RAI14: variants seen among roughly 807,000 people sequenced by gnomAD.
RAI14 encodes the protein ankycorbin.
RAI14 carries 45 observed loss-of-function variants against 115.4 expected under a neutral mutation model. The ratio of observed to expected loss-of-function variants is 0.39; its 90% CI spans 0.31 to 0.50. RAI14 has a LOEUF of 0.50. Among genes scored for constraint, RAI14 ranks in the 20% least tolerant of loss-of-function variants. The pLI is 0.85. For missense variants in RAI14, 939 were observed against 1,131.2 expected, an observed-to-expected ratio of 0.83 and a Z score of 2.44; for synonymous variants, 371 against 415.4, an observed-to-expected ratio of 0.89 and a Z score of 1.30.
At chr5:34,684,118 C>T (rs1456791823) in intron 1 of RAI14, among the ~76,000 whole-genome samples, 1 of 152,168 alleles carries the variant, frequency 6.6e-6, no homozygotes, top group Non-Finnish European at 1.5e-5. Flanking sequence ...ATCTGTTTAT[C>T]GTTATTTCTA....
At chr5:34,770,740 T>C (rs1201395958) in intron 3 of RAI14, among the ~76,000 whole-genome samples, 1 of 152,172 alleles carries the variant, frequency 6.6e-6, no homozygotes, top group Non-Finnish European at 1.5e-5. Flanking sequence ...TCCTAGAAGG[T>C]AGGTCAAAAG....
At chr5:34,792,480 C>T (rs1343919249) in intron 3 of RAI14, among the ~76,000 whole-genome samples, 1 of 152,056 alleles carries the variant, frequency 6.6e-6, no homozygotes, top group African/African-American at 2.4e-5. Context: ...GTGATCCGCC[C>T]ACCTCGGCCT....
chr5:34,756,732 A>G (rs1747934123), intron 2 of RAI14, among the ~76,000 whole-genome samples: 1 of 152,314 alleles, frequency 6.6e-6, no homozygotes, highest in East Asian at 1.9e-4. Flanking sequence ...ATCTGCTCTT[A>G]TATAGAAATC....
intron 1 of RAI14, among the ~76,000 whole-genome samples, chr5:34,665,339 T>C (rs1050373603): frequency 6.6e-6 from 1 of 150,440 alleles, no homozygotes. Flanking sequence ...CATCTACCTC[T>C]TTTCACTTTC....
intron 2 of RAI14, among the ~76,000 whole-genome samples, chr5:34,731,670 G>C (rs1356994185): frequency 1.3e-5 from 2 of 152,102 alleles, no homozygotes; most frequent in Non-Finnish European, 2.9e-5. Flanking sequence ...AAGGTAATAA[G>C]CATCTCAGAA....
chr5:34,725,860 G>T (rs772890605), intron 2 of RAI14, among the ~76,000 whole-genome samples: 3 of 151,210 alleles, frequency 2.0e-5, no homozygotes, highest in African/African-American at 7.3e-5. Flanking sequence ...TACTTGGGAG[G>T]CTGAGGCAGG....
chr5:34,786,748 C>T (rs547236187), intron 3 of RAI14, among the ~76,000 whole-genome samples: 12 of 152,096 alleles, frequency 7.9e-5, no homozygotes, highest in South Asian at 2.1e-4. Context: ...CACCACTTGC[C>T]GAGACCAGCT....
At position 34,675,174 on chromosome 5, in the gene RAI14, CGTGAGCCTCCCGTGCCCAGGCCACTGGAT is replaced by C. The variant is rs1743890846; in HGVS notation, c.-48-11697_-48-11669del. On this transcript the variant is annotated intron_variant, in intron 1 of 17. Coordinates refer to ENST00000265109, the MANE Select transcript of RAI14 (RefSeq NM_015577.3). ...CCTCCCAAAGTGCTGGGATTATAGG[CGTGAGCCTCCCGTGCCCAGGCCACTGGAT>C]CTTTTTAAGAACAACTTCACTGAGT... 2.0e-5 allele frequency among the ~76,000 whole-genome samples: 3 copies of C among 152,306 alleles called. No individual in the cohort carries two copies. In the South Asian group the frequency reaches 6.2e-4, roughly 32 times the overall value.
At chr5:34,802,716 AAG>A (rs1431770499) in intron 4 of RAI14, among the ~76,000 whole-genome samples, 1 of 152,190 alleles carries the variant, frequency 6.6e-6, no homozygotes, top group Non-Finnish European at 1.5e-5. Context: ...TGTATAGAGA[AAG>A]AGGTAAAAGG....
chr5:34,749,903 G>C (rs1199432032), intron 2 of RAI14, among the ~76,000 whole-genome samples: 1 of 152,176 alleles, frequency 6.6e-6, no homozygotes, highest in African/African-American at 2.4e-5. Context: ...TCATGTCTGT[G>C]AATGTTTCTC....
At chr5:34,772,775 C>A (rs1225412775) in intron 3 of RAI14, among the ~76,000 whole-genome samples, 1 of 152,062 alleles carries the variant, frequency 6.6e-6, no homozygotes. Context: ...TTTGAGGCTG[C>A]TAGGGACATC....
At chr5:34,729,430 A>G (rs1241605068) in intron 2 of RAI14, among the ~76,000 whole-genome samples, 7 of 152,134 alleles carry the variant, frequency 4.6e-5, no homozygotes, top group Admixed American at 3.9e-4. Context: ...AATTTTTGTA[A>G]TTTTTATAAT....
intron 5 of RAI14, among the ~76,000 whole-genome samples, chr5:34,804,100 G>T: frequency 6.6e-6 from 1 of 152,060 alleles, no homozygotes; most frequent in Non-Finnish European, 1.5e-5. Flanking sequence ...TAAAACATCG[G>T]TTTCTAAGCT....
At chr5:34,794,136 ACTATGGCCAGGCATGGTGGCTCATGC>A (rs1753235277) in intron 3 of RAI14, among the ~76,000 whole-genome samples, 2 of 152,212 alleles carry the variant, frequency 1.3e-5, no homozygotes, top group South Asian at 4.1e-4. Flanking sequence ...TAAACAAGTC[ACTATGGCCAGGCATGGTGGCTCATGC>A]CTGTAATCGC....
In RAI14 at chr5:34,660,198, C is replaced by T. The variant is rs191452077; in HGVS notation, c.-49+3723C>T. 7.0e-4 allele frequency among the ~76,000 whole-genome samples: 107 copies of T among 152,018 alleles called. 2 individuals carry two copies. The highest frequency in any genetic ancestry group is 1.9e-3 in the African/African-American group (80 of 41,470). On this transcript the variant is annotated intron_variant, in intron 1 of 17. Coordinates refer to ENST00000265109, the MANE Select transcript of RAI14 (RefSeq NM_015577.3). The stretch of plus-strand genomic sequence containing the variant: ...CTCAGCTCCCAGCACTTTGGGAGGC[C>T]GAGGCAGGTGGATCACCTGAGGTCA...
chr5:34,669,147 A>G (rs978846680), intron 1 of RAI14, among the ~76,000 whole-genome samples: 1 of 152,078 alleles, frequency 6.6e-6, no homozygotes, highest in East Asian at 1.9e-4. Context: ...GAGCCACCAC[A>G]CCCAGCCAGT....
intron 1 of RAI14, among the ~76,000 whole-genome samples, chr5:34,669,008 C>T (rs910636169): frequency 1.3e-5 from 2 of 152,184 alleles, no homozygotes; most frequent in East Asian, 1.9e-4. Context: ...AGGCGTGTGC[C>T]ACCACGTCCA....
chr5:34,752,729 GTGTGTGTGTGTGTGTGTGTGTA>G (rs1216624678), intron 2 of RAI14, among the ~76,000 whole-genome samples: 2 of 90,912 alleles, frequency 2.2e-5, no homozygotes, highest in African/African-American at 4.5e-5. Context: ...GTGTGTGTGT[GTGTGTGTGTGTGTGTGTGTGTA>G]TATATATATA....
At chr5:34,715,108 C>T (rs577922004) in intron 2 of RAI14, among the ~76,000 whole-genome samples, 4 of 152,088 alleles carry the variant, frequency 2.6e-5, no homozygotes, top group African/African-American at 9.6e-5. Flanking sequence ...GCAAGGGGAG[C>T]GTGGGCATAC....
Sources: allele counts gnomAD v4.1 joint callset (sites outside exome capture counted in the v4.1 genomes callset), GRCh38; gene constraint gnomAD v4.1.1; transcripts MANE v1.5; gene names NCBI Gene and HGNC (gene_info 2026-07-23, HGNC 2026-07-21).